TRPC6: variants seen among roughly 807,000 people sequenced by gnomAD.
TRPC6 encodes short transient receptor potential channel 6.
In TRPC6, 55 loss-of-function variants were observed where a neutral mutation model predicts 90.7. That is an observed-to-expected ratio of 0.61 (90% CI 0.49 to 0.76). The LOEUF (loss-of-function observed/expected upper bound fraction) is 0.76, where lower values mean the gene tolerates loss of function less well. Among genes scored for constraint, TRPC6 ranks in the 30% least tolerant of loss-of-function variants. The pLI is 0.00. For missense variants in TRPC6, 989 were observed against 1,122.7 expected, an observed-to-expected ratio of 0.88 and a Z score of 1.70; for synonymous variants, 393 against 393.0, an observed-to-expected ratio of 1.00 and a Z score of 0.00.
At chr11:101,521,122 G>C (rs1035071869) in intron 1 of TRPC6, among the ~76,000 whole-genome samples, 1 of 152,162 alleles carries the variant, frequency 6.6e-6, no homozygotes, top group Non-Finnish European at 1.5e-5. Flanking sequence ...CAAGACAATG[G>C]GGAAAATGCT....
intron 1 of TRPC6, among the ~76,000 whole-genome samples, chr11:101,525,518 T>C (rs1860758582): frequency 6.6e-6 from 1 of 152,158 alleles, no homozygotes; most frequent in South Asian, 2.1e-4. Context: ...AGATACAAAC[T>C]GAGACCTACA....
chr11:101,460,951 T>C (rs1292300733), intron 10 of TRPC6, among the ~76,000 whole-genome samples: 1 of 152,184 alleles, frequency 6.6e-6, no homozygotes, highest in Admixed American at 6.5e-5. Flanking sequence ...TTGTCAATTA[T>C]AACACAACAA....
At chr11:101,454,608 A>T (rs1037231126) in intron 11 of TRPC6, among the ~76,000 whole-genome samples, 7 of 151,562 alleles carry the variant, frequency 4.6e-5, no homozygotes, top group African/African-American at 1.7e-4. Flanking sequence ...ATATAGTATT[A>T]TATATGCATT....
chr11:101,555,941 G>A (rs1259731425), intron 1 of TRPC6, among the ~76,000 whole-genome samples: 7 of 152,062 alleles, frequency 4.6e-5, no homozygotes, highest in Non-Finnish European at 1.0e-4. Context: ...GCCAATACAC[G>A]GATATTGAAC....
chr11:101,531,705 G>C (rs945105771), intron 1 of TRPC6, among the ~76,000 whole-genome samples: 8 of 152,138 alleles, frequency 5.3e-5, no homozygotes, highest in African/African-American at 1.9e-4. Flanking sequence ...ATCTAAATAT[G>C]CAAGGCCCAA....
At chr11:101,507,276 C>T (rs1860296849) in intron 1 of TRPC6, among the ~76,000 whole-genome samples, 2 of 151,828 alleles carry the variant, frequency 1.3e-5, no homozygotes, top group South Asian at 4.2e-4. Context: ...CAATCAAACT[C>T]TCTTCTCCAT....
chr11:101,552,511 C>A (rs563084081), intron 1 of TRPC6, among the ~76,000 whole-genome samples: 20 of 152,202 alleles, frequency 1.3e-4, no homozygotes, highest in African/African-American at 4.8e-4. Context: ...TGACACAAGG[C>A]AAACTAAGGA....
At chr11:101,580,650 T>A (rs1431184521) in intron 1 of TRPC6, among the ~76,000 whole-genome samples, 7 of 151,930 alleles carry the variant, frequency 4.6e-5, no homozygotes, top group Admixed American at 2.6e-4. Flanking sequence ...ATGTAAAAAA[T>A]TTTTCTAAAT....
intron 1 of TRPC6, among the ~76,000 whole-genome samples, chr11:101,515,857 G>A (rs1860505565): frequency 6.6e-6 from 1 of 151,876 alleles, no homozygotes; most frequent in African/African-American, 2.4e-5. Flanking sequence ...TAAACTTGTA[G>A]GTACACATAT....
At chr11:101,484,369 A>G (rs1261549087) in intron 4 of TRPC6, among the ~76,000 whole-genome samples, 2 of 152,284 alleles carry the variant, frequency 1.3e-5, no homozygotes, top group Admixed American at 6.5e-5. Context: ...ATGGGCCTAC[A>G]TATGTAAATT....
intron 8 of TRPC6, 103 bp from the exon 9 acceptor site, chr11:101,471,489 C>T (rs879444432): frequency 2.6e-6 from 3 of 1,176,326 alleles, no homozygotes; most frequent in Non-Finnish European, 3.8e-6. Flanking sequence ...CCTATAAACA[C>T]TCTCAGACCC....
chr11:101,476,110 A>G (rs1466320052), intron 6 of TRPC6, among the ~76,000 whole-genome samples, 191 bp downstream of exon 6: 1 of 152,170 alleles, frequency 6.6e-6, no homozygotes, highest in East Asian at 1.9e-4. Context: ...AGAGTTTTCC[A>G]GGGAGTAGAA....
At chr11:101,491,169 G>A (rs1397224307) in intron 3 of TRPC6, among the ~76,000 whole-genome samples, 1 of 152,096 alleles carries the variant, frequency 6.6e-6, no homozygotes, top group African/African-American at 2.4e-5. Flanking sequence ...AATCCTAACC[G>A]GGTGCAGTGG....
intron 1 of TRPC6, among the ~76,000 whole-genome samples, chr11:101,575,974 G>A (rs1477607206): frequency 6.6e-6 from 1 of 152,106 alleles, no homozygotes; most frequent in Non-Finnish European, 1.5e-5. Flanking sequence ...ATCCAGCTGT[G>A]CCTGGCTGAA....
intron 10 of TRPC6, among the ~76,000 whole-genome samples, chr11:101,468,462 T>C (rs1455688611): frequency 6.6e-6 from 1 of 152,220 alleles, no homozygotes; most frequent in Admixed American, 6.5e-5. Context: ...TCCCTCCTTG[T>C]CATTTGTATT....
chr11:101,551,952 C>T (rs1565240311), intron 1 of TRPC6, among the ~76,000 whole-genome samples: 1 of 152,014 alleles, frequency 6.6e-6, no homozygotes, highest in African/African-American at 2.4e-5. Flanking sequence ...CTTGTAGAAA[C>T]TGGGGCTTGG....
chr11:101,515,365 G>A (rs752116204), intron 1 of TRPC6, among the ~76,000 whole-genome samples: 6 of 151,958 alleles, frequency 3.9e-5, no homozygotes, highest in Non-Finnish European at 7.4e-5. Context: ...TTTAATCTTC[G>A]GAATACTCTG....
chr11:101,477,862 T>C (rs1859450807), intron 5 of TRPC6, among the ~76,000 whole-genome samples: 2 of 152,210 alleles, frequency 1.3e-5, no homozygotes, highest in Admixed American at 1.3e-4. Context: ...GCACATGTAT[T>C]TTTTTCTTAA....
In TRPC6 at chr11:101,583,581, G is replaced by A; in HGVS notation, c.-78C>T. The A allele has an allele frequency of 2.2e-6, 3 of 1,389,158 alleles. No individual in the cohort carries two copies. The highest frequency in any genetic ancestry group is 1.6e-5 in the South Asian group (1 of 62,276). 86.1% of individuals were successfully genotyped at this position (1,389,158 alleles called of 1,614,324 possible). ...AGTTCCAGCGGGGACCCGGTGCGGA[G>A]GGTTCGCGTCAGCGGCCGAACTGGA... is the stretch of plus-strand genomic sequence containing the variant. On this transcript the variant is annotated 5_prime_UTR_variant, in exon 1 of 13. Coordinates refer to ENST00000344327, the MANE Select transcript of TRPC6 (RefSeq NM_004621.6).
Sources: allele counts gnomAD v4.1 joint callset (sites outside exome capture counted in the v4.1 genomes callset), GRCh38; gene constraint gnomAD v4.1.1; transcripts MANE v1.5; gene names NCBI Gene and HGNC (gene_info 2026-07-23, HGNC 2026-07-21).